The following ALK variants were observed in gnomAD, a reference collection of about 807,000 sequenced individuals.
The protein encoded by ALK is ALK tyrosine kinase receptor.
In ALK, 74 loss-of-function variants were observed where a neutral mutation model predicts 163.1. The ratio of observed to expected loss-of-function variants is 0.45; its 90% CI spans 0.38 to 0.55. The LOEUF is 0.55. ALK is among the 20% of genes least tolerant of loss of function. The probability of loss-of-function intolerance (pLI) is 0.00; values close to 1 mark genes in which losing one functional copy is unlikely to be tolerated. For synonymous variants in ALK, 960 were observed against 843.2 expected (o/e 1.14, Z -2.40); for missense variants, 2,063 against 2,105.3 (o/e 0.98, Z 0.39).
At chr2:29,643,318 T>A (rs1260517600) in intron 3 of ALK, among the ~76,000 whole-genome samples, 3 of 152,162 alleles carry the variant, frequency 2.0e-5, no homozygotes, top group Non-Finnish European at 4.4e-5. Flanking sequence ...ACATATAGTG[T>A]GTGGACATCT....
At chr2:29,523,225 C>G (rs998712509) in intron 4 of ALK, among the ~76,000 whole-genome samples, 1 of 152,164 alleles carries the variant, frequency 6.6e-6, no homozygotes, top group Non-Finnish European at 1.5e-5. Context: ...GGAATGTCTT[C>G]CTCTCATCAT....
At chr2:29,684,554 C>G (rs1445406263) in intron 3 of ALK, among the ~76,000 whole-genome samples, 5 of 152,218 alleles carry the variant, frequency 3.3e-5, no homozygotes, top group Non-Finnish European at 7.3e-5. Context: ...CACTCCTCAA[C>G]CTGGCCATCT....
intron 1 of ALK, among the ~76,000 whole-genome samples, chr2:29,874,489 A>C (rs1572457690): frequency 6.6e-6 from 1 of 152,238 alleles, no homozygotes; most frequent in Non-Finnish European, 1.5e-5. Flanking sequence ...TGGAACCCTT[A>C]CCTAAAGCAG....
chr2:29,305,064 T>G (rs1201570895), intron 8 of ALK, among the ~76,000 whole-genome samples: 1 of 152,212 alleles, frequency 6.6e-6, no homozygotes, highest in African/African-American at 2.4e-5. Flanking sequence ...GGTAGAGACC[T>G]CTGGGGAGCT....
chr2:29,427,346 T>A (rs982121056), intron 4 of ALK, among the ~76,000 whole-genome samples: 3 of 152,194 alleles, frequency 2.0e-5, no homozygotes, highest in Non-Finnish European at 4.4e-5. Context: ...ATTATAACAA[T>A]GTATTTGTGG....
At chr2:29,225,310 G>A (rs2148175902) in intron 19 of ALK, 151 bp downstream of exon 19, 1 of 705,924 alleles carries the variant, frequency 1.4e-6, no homozygotes, top group South Asian at 1.7e-5. Flanking sequence ...CTTCCGTTTT[G>A]GCTTGGCCTG....
chr2:29,409,123 G>A (rs973667284), intron 4 of ALK, among the ~76,000 whole-genome samples: 7 of 152,124 alleles, frequency 4.6e-5, no homozygotes, highest in Non-Finnish European at 2.9e-5. Flanking sequence ...ACAGATGGGC[G>A]AATCTGATAA....
chr2:29,656,274 T>G (rs967850362), intron 3 of ALK, among the ~76,000 whole-genome samples: 1 of 152,140 alleles, frequency 6.6e-6, no homozygotes, highest in African/African-American at 2.4e-5. Flanking sequence ...CTTATTGGAA[T>G]GGTAGAGGGA....
chr2:29,605,322 TGCG>T (rs1194290740), intron 3 of ALK, among the ~76,000 whole-genome samples: 2 of 152,226 alleles, frequency 1.3e-5, no homozygotes, highest in African/African-American at 4.8e-5. Flanking sequence ...CTCCTGCTGC[TGCG>T]GCCCGATTCC....
chr2:29,690,433 C>A (rs1186385724), intron 3 of ALK, among the ~76,000 whole-genome samples: 1 of 152,194 alleles, frequency 6.6e-6, no homozygotes, highest in Non-Finnish European at 1.5e-5. Context: ...GGGGAGAGGG[C>A]TCTGCAGATG....
chr2:29,886,262 G>A (rs1318057691), intron 1 of ALK, among the ~76,000 whole-genome samples: 1 of 152,196 alleles, frequency 6.6e-6, no homozygotes, highest in Admixed American at 6.5e-5. Flanking sequence ...TCAGTCAACA[G>A]TATGCTATTA....
At chr2:29,738,316 A>G (rs1333349120) in intron 1 of ALK, among the ~76,000 whole-genome samples, 3 of 152,004 alleles carry the variant, frequency 2.0e-5, no homozygotes, top group Non-Finnish European at 4.4e-5. Flanking sequence ...TAAACGATAT[A>G]TTATAAATTT....
intron 4 of ALK, among the ~76,000 whole-genome samples, chr2:29,470,023 A>T (rs554082657): frequency 6.6e-6 from 1 of 152,328 alleles, no homozygotes; most frequent in African/African-American, 2.4e-5. Flanking sequence ...GCAATAAAGA[A>T]TTTCATTAGA....
chr2:29,531,748 T>A (rs1039452575), intron 4 of ALK, among the ~76,000 whole-genome samples, 167 bp downstream of exon 4: 12 of 152,076 alleles, frequency 7.9e-5, no homozygotes, highest in Non-Finnish European at 1.5e-4. Flanking sequence ...CACAAATCAG[T>A]ACCCAAGACA....
intron 8 of ALK, among the ~76,000 whole-genome samples, chr2:29,308,079 A>G (rs987938835): frequency 6.8e-6 from 1 of 146,816 alleles, no homozygotes; most frequent in African/African-American, 2.5e-5. Context: ...TTCTTTTCCA[A>G]TTTTTTTTTT....
intron 4 of ALK, among the ~76,000 whole-genome samples, chr2:29,474,605 A>G (rs6739023): frequency 0.51 from 76,886 of 152,142 alleles, 20,519 homozygotes; most frequent in South Asian, 0.62. Context: ...TTAAAATCAC[A>G]TGTAGATTTC....
chr2:29,444,108 A>G (rs1243547753), intron 4 of ALK, among the ~76,000 whole-genome samples: 1 of 152,208 alleles, frequency 6.6e-6, no homozygotes, highest in Non-Finnish European at 1.5e-5. Context: ...CGTGATTGCC[A>G]TTGGAATGTT....
At chr2:29,612,195 C>A (rs1675712382) in intron 3 of ALK, among the ~76,000 whole-genome samples, 3 of 152,148 alleles carry the variant, frequency 2.0e-5, no homozygotes, top group South Asian at 4.2e-4. Flanking sequence ...GAGACAGATA[C>A]CTTTGCAGTT....
chr2:29,527,029 T>C (rs1672975658), intron 4 of ALK, among the ~76,000 whole-genome samples: 1 of 152,178 alleles, frequency 6.6e-6, no homozygotes, highest in African/African-American at 2.4e-5. Context: ...CCTGCTGCCC[T>C]AGTCCTGGAT....
Sources: allele counts gnomAD v4.1 joint callset (sites outside exome capture counted in the v4.1 genomes callset), GRCh38; gene constraint gnomAD v4.1.1; transcripts MANE v1.5; gene names NCBI Gene and HGNC (gene_info 2026-07-23, HGNC 2026-07-21).